The following USH2A variants were observed in gnomAD, a reference collection of about 807,000 sequenced individuals.
The protein encoded by USH2A is usherin.
In USH2A, 443 loss-of-function variants were observed where a neutral mutation model predicts 538.9. That is an observed-to-expected ratio of 0.82 (90% confidence interval 0.76 to 0.89). The LOEUF (loss-of-function observed/expected upper bound fraction) is 0.89, where lower values mean the gene tolerates loss of function less well. Ranked by LOEUF, USH2A falls within the 40% of genes least tolerant of loss-of-function variation. USH2A has a pLI of 0.00. For synonymous variants in USH2A, 2,413 were observed against 2,273.5 expected (o/e 1.06, Z -1.75); for missense variants, 6,633 against 6,324.8 (o/e 1.05, Z -1.65).
At chr1:216,355,525 T>C (rs552660858) in intron 4 of USH2A, among the ~76,000 whole-genome samples, 214 of 152,158 alleles carry the variant, frequency 1.4e-3, no homozygotes, top group Admixed American at 4.3e-3. Flanking sequence ...CTATATCAAA[T>C]GAAAATATCC....
intron 58 of USH2A, among the ~76,000 whole-genome samples, chr1:215,743,685 T>C (rs530389665): frequency 6.6e-6 from 1 of 150,910 alleles, no homozygotes; most frequent in Admixed American, 6.6e-5. Context: ...CCGGGCATAG[T>C]GGTGTGTGCC....
rs1384049578 is a variant in USH2A at position 216,292,159 on chromosome 1, T to C, written c.1840+16A>G. ...ACAGGCCTCCAAACCAACTCAGGAA[T>C]TTATTTGCTACTTACCTGTAGTGTT... On this transcript the variant is annotated intron_variant, in intron 10 of 71. Transcript: ENST00000307340. 1 of 1,613,826 alleles carries C rather than the reference T, an allele frequency of 6.2e-7. No individual in the cohort carries two copies. Among genetic ancestry groups the C allele is most frequent in the Admixed American group, 1.7e-5 (1 of 60,014 alleles).
chr1:215,961,974 C>G (rs1472923204), intron 37 of USH2A, among the ~76,000 whole-genome samples: 1 of 151,862 alleles, frequency 6.6e-6, no homozygotes, highest in East Asian at 1.9e-4. Context: ...ATATAAAGAA[C>G]TTCTTAAACC....
chr1:216,271,197 A>G (rs1428952032), intron 11 of USH2A, among the ~76,000 whole-genome samples: 8 of 152,020 alleles, frequency 5.3e-5, no homozygotes, highest in South Asian at 2.1e-4. Context: ...TGGTTTCCAC[A>G]TATCTCTCCA....
intron 47 of USH2A, among the ~76,000 whole-genome samples, chr1:215,819,495 C>A (rs1239788841): frequency 6.6e-6 from 1 of 151,772 alleles, no homozygotes; most frequent in East Asian, 1.9e-4. Context: ...ATTAATGTCA[C>A]CTATGAGAGA....
At chr1:215,752,028 A>G (rs1660636223) in intron 58 of USH2A, among the ~76,000 whole-genome samples, 1 of 152,118 alleles carries the variant, frequency 6.6e-6, no homozygotes, top group South Asian at 2.1e-4. Context: ...GTCTTTGGAA[A>G]ATATGTGTAT....
chr1:216,250,770 AT>A, intron 12 of USH2A, 132 bp downstream of exon 12: 2 of 916,108 alleles, frequency 2.2e-6, no homozygotes, highest in Non-Finnish European at 3.5e-6. Flanking sequence ...AGTTAATTTC[AT>A]CCAAATTGTT....
chr1:216,006,800 T>C (rs1571882639), intron 32 of USH2A, among the ~76,000 whole-genome samples: 1 of 152,218 alleles, frequency 6.6e-6, no homozygotes, highest in South Asian at 2.1e-4. Flanking sequence ...GTTCAATGGG[T>C]ACTGAGATCA....
chr1:215,689,167 G>C (rs375202900), intron 61 of USH2A, among the ~76,000 whole-genome samples: 6 of 152,222 alleles, frequency 3.9e-5, no homozygotes, highest in South Asian at 4.2e-4. Context: ...AACAACTTTG[G>C]TCTTGTTAAG....
At chr1:215,995,898 C>T (rs17025847) in intron 34 of USH2A, among the ~76,000 whole-genome samples, 4,185 of 152,066 alleles carry the variant, frequency 0.028, 151 homozygotes, top group African/African-American at 0.087. Flanking sequence ...TAAGACAATC[C>T]AAAACTAGCA....
intron 15 of USH2A, among the ~76,000 whole-genome samples, chr1:216,210,751 G>A (rs536990170): frequency 7.8e-4 from 119 of 152,140 alleles, no homozygotes; most frequent in African/African-American, 2.7e-3. Context: ...AAAGGGTCGA[G>A]GCGGGCGGAT....
chr1:216,194,897 C>A (rs1366268030), intron 19 of USH2A, among the ~76,000 whole-genome samples: 3 of 152,052 alleles, frequency 2.0e-5, no homozygotes, highest in Non-Finnish European at 4.4e-5. Context: ...GGCAGATGAG[C>A]CACTTGGGAC....
intron 9 of USH2A, among the ~76,000 whole-genome samples, chr1:216,314,160 T>C (rs974607256): frequency 2.0e-5 from 3 of 152,200 alleles, no homozygotes; most frequent in Non-Finnish European, 4.4e-5. Flanking sequence ...ATACTTTCAC[T>C]ATCTCTATTT....
chr1:215,639,170 TATC>T lies in USH2A; in HGVS notation c.15034_15036del (p.Asp5012del). 6.2e-7 allele frequency: 1 copy of T among 1,614,012 alleles called. No homozygotes were observed. The highest frequency in any genetic ancestry group is 1.1e-5 in the South Asian group (1 of 91,066). ...AGTTGTTTACCAAGTCCAGTAGAGGTATCATATTGGATCAACGGCGTCTTAACA... is the reference window on the plus strand; with the variant it reads ...AGTTGTTTACCAAGTCCAGTAGAGGTATATTGGATCAACGGCGTCTTAACA... On this transcript the variant is annotated inframe_deletion, in exon 69 of 72. Coordinates refer to ENST00000307340, the MANE Select transcript of USH2A (RefSeq NM_206933.4).
intron 9 of USH2A, among the ~76,000 whole-genome samples, chr1:216,317,341 A>T (rs1370298409): frequency 6.6e-6 from 1 of 152,162 alleles, no homozygotes; most frequent in African/African-American, 2.4e-5. Flanking sequence ...GATCCGAATT[A>T]TGAGAACACA....
chr1:216,083,641 T>C (rs41277218), intron 25 of USH2A, 55 bp from the exon 26 acceptor site: 2,419 of 1,581,536 alleles, frequency 1.5e-3, no homozygotes, highest in Admixed American at 2.1e-3. Context: ...ATTGCCAGCA[T>C]TGTAAGGGTG....
Position 215,625,424 on chromosome 1 carries a change from AACTT to A in USH2A, c.*353_*356del. 1 of 323,990 alleles carries A rather than the reference AACTT, an allele frequency of 3.1e-6. No individual in the cohort carries two copies. The highest frequency in any genetic ancestry group is 5.9e-6 in the Non-Finnish European group (1 of 169,280). 20.1% of individuals were successfully genotyped at this position (323,990 alleles called of 1,614,324 possible). A position where few individuals can be genotyped will look rare whatever the true frequency, so the allele number is the denominator to read the frequency against. ...CAGAATCATTTTTGAGCCAGTAACTAACTTACTACTTCTAACAACTGTGAGCCAT... is the reference window on the plus strand; with the variant it reads ...CAGAATCATTTTTGAGCCAGTAACTAACTACTTCTAACAACTGTGAGCCAT... On this transcript the variant is annotated 3_prime_UTR_variant, in exon 72 of 72. Coordinates refer to ENST00000307340, the MANE Select transcript of USH2A (RefSeq NM_206933.4).
intron 3 of USH2A, among the ~76,000 whole-genome samples, chr1:216,386,842 G>A (rs2039017380): frequency 6.6e-6 from 1 of 152,074 alleles, no homozygotes; most frequent in African/African-American, 2.4e-5. Flanking sequence ...GCGACAGAGT[G>A]AGACTCCGTC....
chr1:216,393,329 T>G (rs941046505), intron 3 of USH2A, among the ~76,000 whole-genome samples: 1 of 152,218 alleles, frequency 6.6e-6, no homozygotes, highest in Non-Finnish European at 1.5e-5. Flanking sequence ...TCAGCAAATG[T>G]ATGAATTGAA....
Sources: allele counts gnomAD v4.1 joint callset (sites outside exome capture counted in the v4.1 genomes callset), GRCh38; gene constraint gnomAD v4.1.1; transcripts MANE v1.5; gene names NCBI Gene and HGNC (gene_info 2026-07-23, HGNC 2026-07-21).